DRP2: variants seen among roughly 807,000 people sequenced by gnomAD.
DRP2 encodes dystrophin related protein 2.
DRP2 carries 29 observed loss-of-function variants against 78.2 expected under a neutral mutation model. The ratio of observed to expected loss-of-function variants is 0.37; its 90% CI spans 0.28 to 0.51. DRP2 has a LOEUF of 0.51. Ranked by LOEUF, DRP2 falls within the 20% of genes least tolerant of loss-of-function variation. The pLI is 0.94. For missense variants in DRP2, 686 were observed against 770.6 expected, an observed-to-expected ratio of 0.89 and a Z score of 1.30; for synonymous variants, 290 against 281.9, an observed-to-expected ratio of 1.03 and a Z score of -0.29.
chrX:101,230,707 C>G (rs1224186970), intron 2 of DRP2, among the ~76,000 whole-genome samples: 2 of 110,404 alleles, frequency 1.8e-5, no homozygotes, highest in East Asian at 5.7e-4. Context: ...AGGCACCTAC[C>G]TTGTACTCTG....
At chrX:101,254,586 G>T (rs1958518918) in intron 18 of DRP2, 25 bp downstream of exon 18, 3 of 1,210,921 alleles carry the variant, frequency 2.5e-6, no homozygotes, top group African/African-American at 1.7e-5. Flanking sequence ...CTGAGCAGGG[G>T]CTGTGGGCAG....
chrX:101,241,849 G>A lies in DRP2; in HGVS notation c.741G>A (p.Leu247=), dbSNP rs907995702. Residue 247 remains leucine, a synonymous_variant, in exon 7 of 24, where the codon CTG becomes CTA. Coordinates refer to ENST00000395209, the MANE Select transcript of DRP2 (RefSeq NM_001939.3). ...QGAMEELSTT[L]SQAEGVRATW... ...CAATGGAGGAACTAAGCACTACTCT[G>A]AGCCAAGCTGAGGGAGTCCGAGCCA... The A allele has an allele frequency of 8.4e-7, 1 of 1,194,792 alleles. No homozygotes were observed.
At chrX:101,241,632 G>A (rs375216604) in intron 6 of DRP2, 36 bp from the exon 7 acceptor site, 1 of 1,200,962 alleles carries the variant, frequency 8.3e-7, no homozygotes, top group African/African-American at 1.8e-5. Flanking sequence ...GACCCTGCCT[G>A]GTTGGCCTAA....
At chrX:101,259,460 A>T (rs1165646875) in intron 22 of DRP2, among the ~76,000 whole-genome samples, 1 of 110,949 alleles carries the variant, frequency 9.0e-6, no homozygotes, top group East Asian at 2.8e-4. Context: ...ACAGCAAGAG[A>T]CCTTTAGGTA....
intron 3 of DRP2, 124 bp downstream of exon 3, chrX:101,231,888 A>T: frequency 1.9e-6 from 1 of 521,360 alleles, no homozygotes; most frequent in Non-Finnish European, 3.2e-6. Context: ...CCCCTTGGAT[A>T]GCATGGGGAA....
chrX:101,250,443 A>T lies in DRP2; in HGVS notation c.1561A>T (p.Asn521Tyr). The T allele has an allele frequency of 8.3e-7, 1 of 1,211,749 alleles. No homozygotes were observed. The highest frequency in any genetic ancestry group is 1.1e-6 in the Non-Finnish European group (1 of 895,514). The stretch of plus-strand genomic sequence containing the variant: ...AGCAGACCTCTTCAGCCAAGTGGCC[A>T]ACTCAGGCAGCCAGTGTGACCAGCG... ...KLQYLFSQVA[N>Y]SGSQCDQRHL... Residue 521 changes from asparagine (N) to tyrosine (Y), a missense_variant, in exon 15 of 24, where the codon AAC (asparagine) becomes TAC (tyrosine). Asn to Tyr is a moderately radical substitution (Grantham distance 143). Transcript: ENST00000395209.
Position 101,256,170 on chromosome X carries a change from C to G in DRP2, c.2299C>G (p.Pro767Ala). 1 of 1,207,927 alleles carries G rather than the reference C, an allele frequency of 8.3e-7. No individual in the cohort carries two copies. The highest frequency in any genetic ancestry group is 1.1e-6 in the Non-Finnish European group (1 of 893,745). Residue 767 changes from proline (P) to alanine (A), a missense_variant, in exon 21 of 24, where the codon CCA (proline) becomes GCA (alanine). Pro to Ala is a conservative substitution (Grantham distance 27). Around this residue, in one of 2 missense-constraint regions of DRP2, gnomAD observed 423 missense variants for 531.5 expected, o/e 0.80. Transcript: ENST00000395209. ...CTCCAGCCCCATCACAGACCGGGAG[C>G]CAGCCTTTGGACAGCAGGCTCCATG... Reference protein sequence around the residue: ...RHSSPITDREPAFGQQAPCSV... With the variant: ...RHSSPITDREAAFGQQAPCSV...
intron 2 of DRP2, among the ~76,000 whole-genome samples, chrX:101,231,106 G>A (rs1368192189): frequency 8.9e-6 from 1 of 111,975 alleles, no homozygotes; most frequent in Non-Finnish European, 1.9e-5. Flanking sequence ...GGATCTGTCT[G>A]CTGGGAATGC....
chrX:101,253,835 G>A (rs1465885239), intron 17 of DRP2, among the ~76,000 whole-genome samples: 2 of 111,154 alleles, frequency 1.8e-5, no homozygotes, highest in East Asian at 2.8e-4. Context: ...CATTAGAAAA[G>A]TCATACATGG....
In DRP2 at chrX:101,254,553, C is replaced by T. The variant is rs868264669; in HGVS notation, c.2106C>T (p.Tyr702=). 2.5e-6 allele frequency: 3 copies of T among 1,212,027 alleles called. No individual in the cohort carries two copies. Among genetic ancestry groups the T allele is most frequent in the Middle Eastern group, 4.6e-4 (2 of 4,341 alleles). Residue 702 remains tyrosine, a synonymous_variant, in exon 18 of 24, where the codon TAC becomes TAT. Coordinates refer to ENST00000395209, the MANE Select transcript of DRP2 (RefSeq NM_001939.3). ...LPVQSVLEAD[Y]SETPASSPMW... is the part of the protein sequence containing the mutation. ...TGCAATCAGTGCTGGAGGCTGACTA[C>T]AGTGAGACGTGAGTACTGGTGGCTG...
rs1922903033 is a variant in DRP2, at chrX:101,245,533, A to G, written c.1177+84A>G. 6.4e-5 allele frequency: 50 copies of G among 780,265 alleles called. No individual in the cohort carries two copies. In the South Asian group the frequency reaches 1.3e-3, roughly 20 times the overall value. 64.3% of individuals were successfully genotyped at this position (780,265 alleles called of 1,213,427 possible). ...ATGTCCATCTACAGATGAATGGATA[A>G]AGAAAATGTGGTATATCCATGTAAT... On this transcript the variant is annotated intron_variant, in intron 11 of 23. Transcript: ENST00000395209.
At chrX:101,228,901 G>A (rs1418226800) in intron 2 of DRP2, among the ~76,000 whole-genome samples, 1 of 109,228 alleles carries the variant, frequency 9.2e-6, no homozygotes, top group African/African-American at 3.4e-5. Context: ...GAGAGACCCT[G>A]TCTCAAAAAA....
chrX:101,248,392 G>A (rs745553444), intron 13 of DRP2, 102 bp downstream of exon 13: 247 of 1,099,441 alleles, frequency 2.2e-4, no homozygotes, highest in Non-Finnish European at 2.7e-4. Flanking sequence ...CTTGGACCCA[G>A]CTCAGCTTGG....
Position 101,254,947 on chromosome X carries a change from T to C in DRP2, c.2180+23T>C, listed in dbSNP as rs757751783. On this transcript the variant is annotated intron_variant, in intron 19 of 23. Coordinates refer to ENST00000395209, the MANE Select transcript of DRP2 (RefSeq NM_001939.3). ...CAGGTACCACCAGGTTTGCGGGAGG[T>C]GGGTAGGAGCTGTTGTAGGAAGTCC... The C allele has an allele frequency of 4.1e-6, 5 of 1,207,212 alleles. No individual in the cohort carries two copies. The African/African-American group carries it at 8.8e-5, about 21-fold the overall frequency.
chrX:101,249,865 C>T (rs943324344), intron 14 of DRP2, among the ~76,000 whole-genome samples: 1 of 111,853 alleles, frequency 8.9e-6, no homozygotes, highest in Admixed American at 9.5e-5. Flanking sequence ...TCCACAGAGA[C>T]TTAGAGATAA....
chrX:101,245,552 A>AT, intron 11 of DRP2, 103 bp downstream of exon 11: 2 of 627,162 alleles, frequency 3.2e-6, no homozygotes, highest in Non-Finnish European at 4.9e-6. Context: ...TGGTATATCC[A>AT]TGTAATGGAA....
chrX:101,240,809 G>T (rs1390118023), intron 6 of DRP2, among the ~76,000 whole-genome samples: 1 of 112,216 alleles, frequency 8.9e-6, no homozygotes, highest in East Asian at 2.8e-4. Flanking sequence ...TACTTAATTT[G>T]ATGCCCGATG....
chrX:101,234,116 G>A (rs1415471696), intron 3 of DRP2, among the ~76,000 whole-genome samples: 1 of 112,286 alleles, frequency 8.9e-6, no homozygotes, highest in Non-Finnish European at 1.9e-5. Flanking sequence ...TCTCTGAGGA[G>A]GCTTACTTAG....
At chrX:101,220,706 T>C (rs753783412) in intron 1 of DRP2, among the ~76,000 whole-genome samples, 1 of 111,129 alleles carries the variant, frequency 9.0e-6, no homozygotes, top group East Asian at 2.9e-4. Flanking sequence ...AGGAGTTCTT[T>C]GCTGAAGTAA....
Sources: allele counts gnomAD v4.1 joint callset (sites outside exome capture counted in the v4.1 genomes callset), GRCh38; gene constraint gnomAD v4.1.1; regional missense constraint gnomAD v4.1.1; transcripts MANE v1.5; gene names NCBI Gene and HGNC (gene_info 2026-07-23, HGNC 2026-07-21).